Variants in KCNIP4 observed in about 807,000 individuals in gnomAD.
The protein encoded by KCNIP4 is potassium voltage-gated channel interacting protein 4, also known as Kv channel-interacting protein 4.
In KCNIP4, 12 loss-of-function variants were observed where a neutral mutation model predicts 34.0. The ratio of observed to expected loss-of-function variants is 0.35; its 90% CI spans 0.23 to 0.57. KCNIP4 has a LOEUF of 0.57. Ranked by LOEUF, KCNIP4 falls within the 20% of genes least tolerant of loss-of-function variation. KCNIP4 has a pLI of 0.83. For synonymous variants in KCNIP4, 124 were observed against 102.2 expected (o/e 1.21, Z -1.29); for missense variants, 238 against 311.7 (o/e 0.76, Z 1.78).
chr4:21,720,000 GA>G (rs59482126), intron 1 of KCNIP4, among the ~76,000 whole-genome samples: 1 of 127,620 alleles, frequency 7.8e-6, no homozygotes. Context: ...AAGAAGAAAA[GA>G]AAAAGAAGAA....
chr4:21,693,100 C>T (rs1711859678), intron 1 of KCNIP4, among the ~76,000 whole-genome samples: 1 of 94,074 alleles, frequency 1.1e-5, no homozygotes, highest in Non-Finnish European at 2.4e-5. Context: ...TGCTTAGGAT[C>T]ACCTCTTCCA....
intron 1 of KCNIP4, among the ~76,000 whole-genome samples, chr4:21,442,149 T>A (rs1464697504): frequency 6.6e-6 from 1 of 152,114 alleles, no homozygotes; most frequent in African/African-American, 2.4e-5. Context: ...TATCTTCACC[T>A]CCAGAACCTG....
chr4:21,755,816 T>G (rs912324645), intron 1 of KCNIP4, among the ~76,000 whole-genome samples: 12 of 152,202 alleles, frequency 7.9e-5, no homozygotes, highest in Admixed American at 7.2e-4. Flanking sequence ...GTGACTGATG[T>G]TCTAGCTCAG....
At chr4:21,852,293 C>T (rs756354145) in intron 1 of KCNIP4, 7 of 152,078 alleles carry the variant, frequency 4.6e-5, no homozygotes, top group African/African-American at 1.4e-4. Context: ...CATTGAGGTT[C>T]TGGAAATAAA....
intron 1 of KCNIP4, among the ~76,000 whole-genome samples, chr4:21,726,480 C>T (rs1163462338): frequency 6.6e-6 from 1 of 152,068 alleles, no homozygotes; most frequent in African/African-American, 2.4e-5. Flanking sequence ...ACCTAGAGCA[C>T]AAGTTAGAAA....
rs1203011253 is a variant in KCNIP4 at position 21,070,663 on chromosome 4, ATTTTTTTTTTTTTTT to A, written c.62-187969_62-187955del. Among the ~76,000 whole-genome samples, 5 of 49,616 alleles carry A rather than the reference ATTTTTTTTTTTTTTT, an allele frequency of 1.0e-4. No individual in the cohort carries two copies. In the East Asian group the frequency reaches 2.9e-3, roughly 29 times the overall value. 32.6% of individuals were successfully genotyped at this position (49,616 alleles called of 152,430 possible). ...TCTGTTTTTACTGTTGAGTTTTGAG[ATTTTTTTTTTTTTTT>A]TTTTTTTTTTTTTTTGAGACAGAGT... On this transcript the variant is annotated intron_variant, in intron 1 of 8. Coordinates refer to ENST00000382152, the MANE Select transcript of KCNIP4 (RefSeq NM_025221.6).
chr4:20,934,052 A>G (rs532896568), intron 1 of KCNIP4, among the ~76,000 whole-genome samples: 1 of 152,346 alleles, frequency 6.6e-6, no homozygotes, highest in South Asian at 2.1e-4. Flanking sequence ...TAAGTATGAA[A>G]GCATGCACAA....
chr4:20,988,752 G>C (rs1037239608), intron 1 of KCNIP4, among the ~76,000 whole-genome samples: 2 of 152,158 alleles, frequency 1.3e-5, no homozygotes, highest in Non-Finnish European at 2.9e-5. Flanking sequence ...TTGGCATAAG[G>C]GTTATTTTCG....
intron 1 of KCNIP4, among the ~76,000 whole-genome samples, chr4:21,418,171 C>CCT (rs144729656): frequency 6.5e-4 from 98 of 149,910 alleles, no homozygotes; most frequent in Middle Eastern, 3.4e-3. Context: ...ACACTCTCTC[C>CCT]CTCTCTCTCT....
chr4:21,321,896 GA>G (rs1410624873), intron 1 of KCNIP4, among the ~76,000 whole-genome samples: 1 of 131,670 alleles, frequency 7.6e-6, no homozygotes, highest in African/African-American at 2.9e-5. Flanking sequence ...AAGGAGGGAG[GA>G]AGGGACAGAG....
chr4:21,215,274 T>A (rs1757477771), intron 1 of KCNIP4, among the ~76,000 whole-genome samples: 1 of 152,146 alleles, frequency 6.6e-6, no homozygotes, highest in Non-Finnish European at 1.5e-5. Context: ...TTTTTTTCAA[T>A]TAATGAAGAT....
intron 1 of KCNIP4, among the ~76,000 whole-genome samples, chr4:21,662,011 C>T (rs1748491564): frequency 1.3e-5 from 2 of 152,236 alleles, no homozygotes; most frequent in South Asian, 4.1e-4. Context: ...GATCTGTAGA[C>T]ATTTTAAAAA....
chr4:20,811,872 G>T (rs961141743), intron 3 of KCNIP4, among the ~76,000 whole-genome samples: 1 of 152,310 alleles, frequency 6.6e-6, no homozygotes, highest in South Asian at 2.1e-4. Flanking sequence ...AGATGGAGAA[G>T]TCAGAGAAGT....
chr4:21,570,794 C>T (rs966606615), intron 1 of KCNIP4, among the ~76,000 whole-genome samples: 2 of 152,136 alleles, frequency 1.3e-5, no homozygotes, highest in African/African-American at 2.4e-5. Context: ...TTATCCAGTA[C>T]TCAATATATA....
chr4:20,850,513 T>G lies in KCNIP4; in HGVS notation c.288+30A>C, dbSNP rs376016346. 16 of 1,607,094 alleles carry G rather than the reference T, an allele frequency of 1.0e-5. No homozygotes were observed. The African/African-American group carries it at 1.9e-4, about 19-fold the overall frequency. On this transcript the variant is annotated intron_variant, in intron 3 of 8. Coordinates refer to ENST00000382152, the MANE Select transcript of KCNIP4 (RefSeq NM_025221.6). ...TCTCAATGCTCCTCTGGGAATTGTG[T>G]GAAGGTAAAGTCAAAAAGAAAGTTC... is the stretch of plus-strand genomic sequence containing the variant.
rs545743759 is a variant in KCNIP4 at position 21,643,726 on chromosome 4, C to T, written c.61+304845G>A. On this transcript the variant is annotated intron_variant, in intron 1 of 8. Transcript: ENST00000382152. The stretch of plus-strand genomic sequence containing the variant: ...AAGAAGAAACTCTGCAAGGAGACTG[C>T]CTTCAAACTTGAACTCTTCCCTGGG... Among the ~76,000 whole-genome samples, 79 of 152,176 alleles carry T rather than the reference C, an allele frequency of 5.2e-4. No homozygotes were observed. In the Middle Eastern group the frequency reaches 0.02, roughly 39 times the overall value.
intron 1 of KCNIP4, among the ~76,000 whole-genome samples, chr4:21,482,024 T>C (rs1281313047): frequency 6.6e-6 from 1 of 152,072 alleles, no homozygotes; most frequent in Admixed American, 6.6e-5. Flanking sequence ...TTTAGGATAG[T>C]TAGCTCTTCT....
intron 3 of KCNIP4, among the ~76,000 whole-genome samples, chr4:20,847,495 G>A (rs7682422): frequency 0.39 from 58,856 of 151,808 alleles, 11,892 homozygotes; most frequent in Non-Finnish European, 0.46. Flanking sequence ...GTGATTCTGA[G>A]GCTCCTTATA....
chr4:21,274,475 G>A (rs1344043218), intron 1 of KCNIP4, among the ~76,000 whole-genome samples: 1 of 152,148 alleles, frequency 6.6e-6, no homozygotes, highest in Non-Finnish European at 1.5e-5. Context: ...AGAGGAAATT[G>A]AGAACACTTG....
Sources: gnomAD v4.1 joint callset for allele counts (sites outside exome capture counted in the v4.1 genomes callset) on GRCh38, gnomAD v4.1.1 for gene constraint, MANE v1.5 for transcripts, NCBI Gene and HGNC (gene_info 2026-07-23, HGNC 2026-07-21) for gene names.